Variants in PSMD4 observed in about 807,000 individuals in gnomAD.
PSMD4 encodes proteasome 26S subunit ubiquitin receptor, non-ATPase 4.
In PSMD4, 5 loss-of-function variants were observed where a neutral mutation model predicts 39.7. The observed-to-expected ratio is 0.13, with a 90% CI of 0.07 to 0.26. The LOEUF (loss-of-function observed/expected upper bound fraction) is 0.26, where lower values mean the gene tolerates loss of function less well. PSMD4 is among the 10% of genes least tolerant of loss of function. The probability of loss-of-function intolerance (pLI) is 1.00; values close to 1 mark genes in which losing one functional copy is unlikely to be tolerated. For missense variants in PSMD4, 272 were observed against 486.1 expected, an observed-to-expected ratio of 0.56 and a Z score of 4.14; for synonymous variants, 143 against 174.6, an observed-to-expected ratio of 0.82 and a Z score of 1.43.
At chr1:151,254,873 G>T (rs1165499022) in intron 1 of PSMD4, 65 bp downstream of exon 1, 8 of 1,433,060 alleles carry the variant, frequency 5.6e-6, no homozygotes, top group Non-Finnish European at 7.3e-6. Flanking sequence ...CGCCAAGGCA[G>T]GGAGGGCCTG....
intron 1 of PSMD4, among the ~76,000 whole-genome samples, chr1:151,258,247 C>T (rs1016831538): frequency 4.6e-5 from 7 of 151,732 alleles, no homozygotes; most frequent in East Asian, 2.0e-4. Flanking sequence ...AGGCTGGTCT[C>T]GAACACTTGA....
intron 1 of PSMD4, among the ~76,000 whole-genome samples, chr1:151,260,805 G>T (rs1693298063): frequency 6.6e-6 from 1 of 151,740 alleles, no homozygotes; most frequent in African/African-American, 2.4e-5. Context: ...CCAAAGTGCT[G>T]GGATTACAGT....
At chr1:151,265,267 A>C in intron 5 of PSMD4, 33 bp downstream of exon 5, 21 of 1,604,102 alleles carry the variant, frequency 1.3e-5, no homozygotes, top group Non-Finnish European at 1.8e-5. Context: ...GCATTGACTT[A>C]ATTTGGTCAT....
intron 1 of PSMD4, among the ~76,000 whole-genome samples, chr1:151,259,419 C>T (rs750743971): frequency 1.3e-5 from 2 of 152,172 alleles, no homozygotes; most frequent in Non-Finnish European, 2.9e-5. Flanking sequence ...TGGGGCATTT[C>T]GGATCTCAAG....
intron 4 of PSMD4, 65 bp from the exon 5 acceptor site, chr1:151,265,101 C>T (rs993750378): frequency 1.0e-5 from 14 of 1,366,868 alleles, no homozygotes; most frequent in South Asian, 6.4e-5. Flanking sequence ...TGCTTTTATG[C>T]GGCGGGTCCT....
chr1:151,267,072 G>A (rs1693467112), intron 9 of PSMD4, 101 bp from the exon 10 acceptor site: 3 of 1,407,388 alleles, frequency 2.1e-6, no homozygotes, highest in Admixed American at 3.4e-5. Flanking sequence ...CACACAGTCA[G>A]AAGGCAGGGG....
At chr1:151,264,100 C>T in intron 3 of PSMD4, 72 bp downstream of exon 3, 2 of 1,184,686 alleles carry the variant, frequency 1.7e-6, no homozygotes, top group South Asian at 1.4e-5. Context: ...CTCATTTCTC[C>T]CCTGGAATCC....
In PSMD4 at chr1:151,265,612, G is replaced by A. The variant is rs1196483373; in HGVS notation, c.654+3G>A. The A allele has an allele frequency of 1.8e-5, 29 of 1,613,708 alleles. No homozygotes were observed. The highest frequency in any genetic ancestry group is 2.4e-5 in the Non-Finnish European group (28 of 1,179,786). On this transcript the variant is annotated splice_donor_region_variant and intron_variant, in intron 6 of 9. Coordinates refer to ENST00000368884, the MANE Select transcript of PSMD4 (RefSeq NM_002810.4). ...GTGCTGATCCTGAGCTGGCCTTGGT[G>A]AGCAAATGTTGACCCCAGGTAGAGT... is the stretch of plus-strand genomic sequence containing the variant.
chr1:151,261,782 C>T (rs1693325892), intron 1 of PSMD4, among the ~76,000 whole-genome samples: 1 of 151,832 alleles, frequency 6.6e-6, no homozygotes, highest in Non-Finnish European at 1.5e-5. Flanking sequence ...AGCTAGATCC[C>T]TGTCTCTACA....
At chr1:151,261,994 G>A (rs1693331317) in intron 1 of PSMD4, among the ~76,000 whole-genome samples, 167 bp from the exon 2 acceptor site, 1 of 150,988 alleles carries the variant, frequency 6.6e-6, no homozygotes, top group Non-Finnish European at 1.5e-5. Flanking sequence ...GTTATTCTGA[G>A]TCAATAAATG....
intron 1 of PSMD4, among the ~76,000 whole-genome samples, chr1:151,259,652 G>A (rs1457761621): frequency 6.6e-6 from 1 of 151,912 alleles, no homozygotes; most frequent in Non-Finnish European, 1.5e-5. Context: ...ACTTTGAGAG[G>A]CCAAGGCAGG....
At chr1:151,266,651 G>A in intron 9 of PSMD4, 64 bp downstream of exon 9, 2 of 1,558,382 alleles carry the variant, frequency 1.3e-6, no homozygotes, top group Non-Finnish European at 1.8e-6. Flanking sequence ...ATCCCTCTGG[G>A]GCTGGGAGTA....
chr1:151,260,036 T>G (rs1301542939), intron 1 of PSMD4, among the ~76,000 whole-genome samples: 2 of 151,956 alleles, frequency 1.3e-5, no homozygotes, highest in Non-Finnish European at 1.5e-5. Flanking sequence ...CCGTCTCTAC[T>G]AAAAATACAA....
intron 3 of PSMD4, 149 bp downstream of exon 3, chr1:151,264,177 G>A: frequency 3.3e-6 from 2 of 609,456 alleles, no homozygotes; most frequent in Non-Finnish European, 5.8e-6. Flanking sequence ...GAATCCCAGG[G>A]TAGTTGAGGG....
chr1:151,258,627 T>C (rs1266177661), intron 1 of PSMD4, among the ~76,000 whole-genome samples: 4 of 151,596 alleles, frequency 2.6e-5, no homozygotes, highest in African/African-American at 4.8e-5. Context: ...TGCCCAGCTA[T>C]TTTTTGTATT....
chr1:151,266,059 G>C lies in PSMD4; in HGVS notation c.710G>C (p.Arg237Pro), dbSNP rs1693442396. ...CAGCGGCAGGAGGAGGAGGCCCGGC[G>C]GGCAGCTGCAGCTTCTGCTGCTGAG... ...QRQRQEEEAR[R>P]AAAASAAEAG... The change falls in exon 7 of 10, where the codon CGG (arginine) becomes CCG (proline). Residue 237 changes from arginine (R) to proline (P), a missense_variant. Transcript: ENST00000368884. The C allele has an allele frequency of 6.2e-7, 1 of 1,607,164 alleles. No individual in the cohort carries two copies. The highest frequency in any genetic ancestry group is 8.5e-7 in the Non-Finnish European group (1 of 1,176,836).
intron 1 of PSMD4, 42 bp downstream of exon 1, chr1:151,254,850 C>T (rs916079538): frequency 2.6e-6 from 3 of 1,164,530 alleles, no homozygotes; most frequent in East Asian, 4.7e-5. Flanking sequence ...AGCTGGGTTC[C>T]GGGCGCGTGT....
intron 9 of PSMD4, 157 bp downstream of exon 9, chr1:151,266,744 C>A: frequency 1.1e-6 from 1 of 942,876 alleles, no homozygotes; most frequent in Non-Finnish European, 1.7e-6. Flanking sequence ...GCTAAGGTAG[C>A]AATGCTAATG....
intron 1 of PSMD4, among the ~76,000 whole-genome samples, chr1:151,258,203 T>A (rs1196067168): frequency 6.6e-6 from 1 of 151,792 alleles, no homozygotes; most frequent in Non-Finnish European, 1.5e-5. Context: ...TTTTTCTGTA[T>A]TTTTAGTAGA....
Sources: gnomAD v4.1 joint callset for allele counts (sites outside exome capture counted in the v4.1 genomes callset) on GRCh38, gnomAD v4.1.1 for gene constraint, MANE v1.5 for transcripts, NCBI Gene and HGNC (gene_info 2026-07-23, HGNC 2026-07-21) for gene names.